PALS1: variants seen among roughly 807,000 people sequenced by gnomAD.
The protein encoded by PALS1 is protein associated with LIN7 1, MAGUK p55 family member.
PALS1 carries 31 observed loss-of-function variants against 78.9 expected under a neutral mutation model. That is an observed-to-expected ratio of 0.39 (90% CI 0.30 to 0.53). PALS1 has a LOEUF of 0.53. Ranked by LOEUF, PALS1 falls within the 20% of genes least tolerant of loss-of-function variation. The pLI, the probability that PALS1 is intolerant of heterozygous loss-of-function variation, is 0.67. For synonymous variants in PALS1, 276 were observed against 270.9 expected (o/e 1.02, Z -0.18); for missense variants, 704 against 826.5 (o/e 0.85, Z 1.82).
chr14:67,315,268 ATTTTT>A (rs531037352), intron 9 of PALS1, among the ~76,000 whole-genome samples: 6 of 101,590 alleles, frequency 5.9e-5, no homozygotes, highest in Admixed American at 1.2e-4. Flanking sequence ...CTTATTTTTA[ATTTTT>A]TTTTTTTTTT....
intron 1 of PALS1, among the ~76,000 whole-genome samples, chr14:67,243,200 T>C: frequency 6.6e-6 from 1 of 152,134 alleles, no homozygotes. Flanking sequence ...TTTCTTTTTT[T>C]TTTTGTGAGA....
At chr14:67,275,394 T>C (rs1285963222) in intron 2 of PALS1, among the ~76,000 whole-genome samples, 4 of 152,154 alleles carry the variant, frequency 2.6e-5, no homozygotes, top group African/African-American at 9.7e-5. Context: ...GTTTTTGTCT[T>C]TGGTTTTGTT....
intron 2 of PALS1, chr14:67,270,340 G>A (rs1391297222): frequency 6.6e-6 from 1 of 152,218 alleles, no homozygotes; most frequent in Non-Finnish European, 1.5e-5. Flanking sequence ...ACTATGTAAA[G>A]ATTTTTGTAT....
At chr14:67,262,574 G>A (rs896510089) in intron 1 of PALS1, among the ~76,000 whole-genome samples, 3 of 151,984 alleles carry the variant, frequency 2.0e-5, no homozygotes, top group African/African-American at 4.8e-5. Context: ...ATGTGTAAAG[G>A]AATAAAACAT....
At chr14:67,298,708 G>A (rs1422805461) in intron 4 of PALS1, among the ~76,000 whole-genome samples, 1 of 152,062 alleles carries the variant, frequency 6.6e-6, no homozygotes, top group Non-Finnish European at 1.5e-5. Context: ...GTGTTTTATT[G>A]TATAGTTCAG....
At chr14:67,270,443 T>C (rs181530415) in intron 2 of PALS1, 1 of 152,274 alleles carries the variant, frequency 6.6e-6, no homozygotes, top group East Asian at 1.9e-4. Context: ...TTATTTTTTT[T>C]TTAAACTTAT....
intron 1 of PALS1, among the ~76,000 whole-genome samples, chr14:67,248,964 T>C (rs2084024583): frequency 6.7e-6 from 1 of 150,064 alleles, no homozygotes; most frequent in East Asian, 2.0e-4. Flanking sequence ...CTGGCCTACA[T>C]ACCAATTTTT....
rs191306145 is a variant in PALS1 at position 67,273,363 on chromosome 14, A to G, written c.-154+3580A>G. ...TTTCAATTCCCACCTATGAGTGAGAACATGCAGTGTTTGGTTTTCTGTCCT... is the reference window on the plus strand; with the variant it reads ...TTTCAATTCCCACCTATGAGTGAGAGCATGCAGTGTTTGGTTTTCTGTCCT... On this transcript the variant is annotated intron_variant, in intron 2 of 14. Transcript: ENST00000261681. Among the ~76,000 whole-genome samples the G allele has an allele frequency of 1.9e-3, 295 of 152,136 alleles. 1 individual carries two copies. Among genetic ancestry groups the G allele is most frequent in the Non-Finnish European group, 3.6e-3 (243 of 67,992 alleles).
At position 67,334,963 on chromosome 14, in the gene PALS1, A is replaced by C. The variant is rs1322117103; in HGVS notation, c.*2007A>C. On this transcript the variant is annotated 3_prime_UTR_variant, in exon 15 of 15. Coordinates refer to ENST00000261681, the MANE Select transcript of PALS1 (RefSeq NM_022474.4). ...TGGCAGTTCATGTTAAGTTAGAGTG[A>C]GGGTGTAGGTAGTGTCAGTGAGTGG... 1 of 152,184 alleles carries C rather than the reference A, an allele frequency of 6.6e-6. No individual in the cohort carries two copies. Among genetic ancestry groups the C allele is most frequent in the Non-Finnish European group, 1.5e-5 (1 of 68,038 alleles). The allele number at this position is 152,184 out of a possible 1,614,324, so 9.4% of individuals were successfully genotyped here. A position where few individuals can be genotyped will look rare whatever the true frequency, so the allele number is the denominator to read the frequency against.
At chr14:67,301,932 C>T in intron 5 of PALS1, 40 bp from the exon 6 acceptor site, 1 of 1,564,416 alleles carries the variant, frequency 6.4e-7, no homozygotes, top group Non-Finnish European at 8.6e-7. Flanking sequence ...AGAAATAAAT[C>T]ATGCTGTTAC....
At chr14:67,293,660 A>G (rs1422314266) in intron 4 of PALS1, among the ~76,000 whole-genome samples, 1 of 152,210 alleles carries the variant, frequency 6.6e-6, no homozygotes, top group Non-Finnish European at 1.5e-5. Context: ...CTATTCACAC[A>G]TGTAGGCAAT....
chr14:67,325,661 CAG>C (rs1323892723), intron 14 of PALS1, among the ~76,000 whole-genome samples: 2 of 152,112 alleles, frequency 1.3e-5, no homozygotes, highest in African/African-American at 2.4e-5. Context: ...CACTAAGGAC[CAG>C]AGTGTACTCC....
intron 11 of PALS1, among the ~76,000 whole-genome samples, chr14:67,318,443 C>T (rs1197237992): frequency 6.6e-6 from 1 of 151,956 alleles, no homozygotes; most frequent in Admixed American, 6.6e-5. Flanking sequence ...TTTTTTGAAA[C>T]AGACTGAAGT....
At chr14:67,282,901 G>GT (rs1455591444) in intron 3 of PALS1, among the ~76,000 whole-genome samples, 1 of 152,052 alleles carries the variant, frequency 6.6e-6, no homozygotes, top group African/African-American at 2.4e-5. Context: ...AGATTTCACT[G>GT]TTTTTGTGTT....
chr14:67,286,156 C>T (rs1012814963), intron 3 of PALS1, among the ~76,000 whole-genome samples: 2 of 152,176 alleles, frequency 1.3e-5, no homozygotes, highest in Admixed American at 1.3e-4. Flanking sequence ...ATTTGCTATG[C>T]CTGCCTCTAC....
At chr14:67,324,897 AT>A (rs1197663812) in intron 14 of PALS1, among the ~76,000 whole-genome samples, 789 of 76,294 alleles carry the variant, frequency 0.01, 2 homozygotes, top group African/African-American at 0.031. Context: ...CCTTCCTTTC[AT>A]TTTTTTTTTT....
chr14:67,325,908 G>A (rs749334848), intron 14 of PALS1, among the ~76,000 whole-genome samples: 3 of 150,498 alleles, frequency 2.0e-5, no homozygotes, highest in Non-Finnish European at 3.0e-5. Flanking sequence ...TCCTGGGTTC[G>A]AGCTATTCTT....
At chr14:67,270,705 C>T (rs991625839) in intron 2 of PALS1, 1 of 151,572 alleles carries the variant, frequency 6.6e-6, no homozygotes, top group Admixed American at 6.6e-5. Flanking sequence ...GGAGTGCCTG[C>T]TTAAAAATTA....
intron 14 of PALS1, among the ~76,000 whole-genome samples, chr14:67,326,001 A>AT (rs1399109061): frequency 6.0e-5 from 4 of 66,318 alleles, no homozygotes; most frequent in Middle Eastern, 0.011. Context: ...TTTTTTTTGT[A>AT]TTTTTAGTAG....
Sources: gnomAD v4.1 joint callset for allele counts (sites outside exome capture counted in the v4.1 genomes callset) on GRCh38, gnomAD v4.1.1 for gene constraint, MANE v1.5 for transcripts, NCBI Gene and HGNC (gene_info 2026-07-23, HGNC 2026-07-21) for gene names.